The following CSTPP1 variants were observed in gnomAD, a reference collection of about 807,000 sequenced individuals.
The protein encoded by CSTPP1 is centriolar satellite-associated tubulin polyglutamylase complex regulator 1, also known as UPF0705 protein C11orf49.
the CSTPP1 span, among the ~76,000 whole-genome samples, chr11:47,148,024 C>T: frequency 6.6e-6 from 1 of 152,130 alleles, no homozygotes; most frequent in African/African-American, 2.4e-5. Context: ...TAGGGCAGAG[C>T]AATGACCTGG....
the CSTPP1 span, among the ~76,000 whole-genome samples, chr11:47,070,128 C>T: frequency 6.6e-6 from 1 of 152,120 alleles, no homozygotes; most frequent in Non-Finnish European, 1.5e-5. Context: ...TGCCGGTAAT[C>T]TCACTTGAGC....
the CSTPP1 span, among the ~76,000 whole-genome samples, chr11:46,956,031 G>A: frequency 1.3e-5 from 2 of 149,908 alleles, no homozygotes; most frequent in Non-Finnish European, 3.0e-5. Flanking sequence ...TAATGGTCTT[G>A]ACTTAGGAGG....
chr11:46,953,945 T>G, the CSTPP1 span, among the ~76,000 whole-genome samples: 45 of 152,182 alleles, frequency 3.0e-4, no homozygotes, highest in Non-Finnish European at 5.3e-4. Context: ...AAGATTATCT[T>G]CTTAGAGTTA....
chr11:47,059,821 T>A, the CSTPP1 span, among the ~76,000 whole-genome samples: 30 of 152,050 alleles, frequency 2.0e-4, 1 homozygote, highest in Non-Finnish European at 8.8e-5. Flanking sequence ...AGACACAGAG[T>A]CCGCTGGGCG....
chr11:47,011,336 G>T, the CSTPP1 span, among the ~76,000 whole-genome samples: 2 of 152,188 alleles, frequency 1.3e-5, no homozygotes, highest in Non-Finnish European at 2.9e-5. Context: ...GAGAAGACAA[G>T]AATTTGGGTA....
chr11:47,063,824 A>C, the CSTPP1 span, among the ~76,000 whole-genome samples: 1 of 152,068 alleles, frequency 6.6e-6, no homozygotes, highest in Non-Finnish European at 1.5e-5. Context: ...GCTTTCCATT[A>C]CTTTGGGCAC....
the CSTPP1 span, among the ~76,000 whole-genome samples, chr11:47,075,977 A>C: frequency 3.3e-5 from 5 of 151,474 alleles, no homozygotes; most frequent in African/African-American, 7.3e-5. Context: ...AAGTACTCTG[A>C]AACTGGGAGT....
the CSTPP1 span, among the ~76,000 whole-genome samples, chr11:47,024,898 A>T: frequency 6.6e-6 from 1 of 152,156 alleles, no homozygotes; most frequent in Non-Finnish European, 1.5e-5. Flanking sequence ...GAAATTCTCT[A>T]TTGGAAATAG....
chr11:47,123,597 C>T, the CSTPP1 span, among the ~76,000 whole-genome samples: 59 of 152,288 alleles, frequency 3.9e-4, no homozygotes, highest in Non-Finnish European at 7.1e-4. Context: ...CTTGGAGCTT[C>T]TGTTGGGGAG....
At chr11:47,122,068 T>TAAAAAAAAA in the CSTPP1 span, among the ~76,000 whole-genome samples, 2 of 5,286 alleles carry the variant, frequency 3.8e-4, no homozygotes, top group African/African-American at 2.4e-3. Context: ...AGACCCTGTC[T>TAAAAAAAAA]CAAAAAAAAA....
the CSTPP1 span, among the ~76,000 whole-genome samples, chr11:47,110,713 C>G: frequency 6.6e-6 from 1 of 152,100 alleles, no homozygotes; most frequent in Non-Finnish European, 1.5e-5. Context: ...CAGTTTAAAG[C>G]CCAGCCTGGG....
At chr11:47,164,133 A>G in the CSTPP1 span, 2 of 1,613,880 alleles carry the variant, frequency 1.2e-6, no homozygotes, top group Non-Finnish European at 1.7e-6. Flanking sequence ...ACGGCAGCAC[A>G]GAGCCAAGGA....
chr11:47,141,697 G>T, the CSTPP1 span, among the ~76,000 whole-genome samples: 1 of 152,000 alleles, frequency 6.6e-6, no homozygotes, highest in South Asian at 2.1e-4. Flanking sequence ...ACTTTGGAAG[G>T]CTGAAGCAGG....
the CSTPP1 span, among the ~76,000 whole-genome samples, chr11:46,996,545 G>A: frequency 6.7e-3 from 1,019 of 152,076 alleles, 11 homozygotes; most frequent in African/African-American, 0.024. Flanking sequence ...CTCGTGATCC[G>A]CCCGTCTCGG....
At chr11:46,961,773 A>C in the CSTPP1 span, among the ~76,000 whole-genome samples, 1 of 152,132 alleles carries the variant, frequency 6.6e-6, no homozygotes, top group Non-Finnish European at 1.5e-5. Context: ...ATTTTTTTAC[A>C]TATGAGTATC....
At chr11:47,122,091 A>AAAAATATATATATAT in the CSTPP1 span, among the ~76,000 whole-genome samples, 3 of 31,840 alleles carry the variant, frequency 9.4e-5, no homozygotes, top group Non-Finnish European at 1.3e-4. Flanking sequence ...AAAAAAAAAA[A>AAAAATATATATATAT]ATATATATAT....
At chr11:47,020,520 A>G in the CSTPP1 span, among the ~76,000 whole-genome samples, 1 of 152,092 alleles carries the variant, frequency 6.6e-6, no homozygotes, top group Non-Finnish European at 1.5e-5. Context: ...AAATTCTACC[A>G]AGCTAACCCA....
the CSTPP1 span, among the ~76,000 whole-genome samples, chr11:47,090,607 A>G: frequency 2.0e-5 from 3 of 152,220 alleles, no homozygotes; most frequent in Non-Finnish European, 4.4e-5. Flanking sequence ...CTGCACTGTG[A>G]GTAATAACTA....
the CSTPP1 span, among the ~76,000 whole-genome samples, chr11:46,974,391 G>A: frequency 6.6e-6 from 1 of 151,896 alleles, no homozygotes. Context: ...ATCCAGGCGT[G>A]GTGCCAGGCG....
Sources: gnomAD v4.1 joint callset for allele counts (sites outside exome capture counted in the v4.1 genomes callset) on GRCh38, gnomAD v4.1.1 for gene constraint, MANE v1.5 for transcripts, NCBI Gene and HGNC (gene_info 2026-07-23, HGNC 2026-07-21) for gene names.